INPP4B: variants seen among roughly 807,000 people sequenced by gnomAD.
INPP4B encodes inositol polyphosphate 4-phosphatase type II.
In INPP4B, 55 loss-of-function variants were observed where a neutral mutation model predicts 122.5. The ratio of observed to expected loss-of-function variants is 0.45; its 90% CI spans 0.36 to 0.56. INPP4B has a LOEUF of 0.56. Among genes scored for constraint, INPP4B ranks in the 20% least tolerant of loss-of-function variants. The probability of loss-of-function intolerance (pLI) is 0.00; values close to 1 mark genes in which losing one functional copy is unlikely to be tolerated. For missense variants in INPP4B, 1,000 were observed against 1,097.7 expected (o/e 0.91, Z 1.26); for synonymous variants, 403 against 388.7 (o/e 1.04, Z -0.43).
At chr4:142,056,915 C>A (rs1201093975) in intron 25 of INPP4B, among the ~76,000 whole-genome samples, 1 of 152,108 alleles carries the variant, frequency 6.6e-6, no homozygotes, top group East Asian at 1.9e-4. Flanking sequence ...CTGCATTTTA[C>A]AACTCAAATA....
Position 142,626,006 on chromosome 4 carries a change from G to A in INPP4B, c.-191+99833C>T, listed in dbSNP as rs920017254. On this transcript the variant is annotated intron_variant, in intron 2 of 25. Coordinates refer to ENST00000262992, the MANE Select transcript of INPP4B (RefSeq NM_001101669.3). ...TTCAGGATGGATTAAAGACTTAAAC[G>A]TTAGACCTAAAACCATAAAAACCCT... Among the ~76,000 whole-genome samples the A allele has an allele frequency of 4.6e-5, 7 of 152,178 alleles. No homozygotes were observed. In the East Asian group the frequency reaches 1.4e-3, roughly 29 times the overall value.
At chr4:142,036,950 C>A (rs1001641751) in intron 25 of INPP4B, among the ~76,000 whole-genome samples, 1 of 152,170 alleles carries the variant, frequency 6.6e-6, no homozygotes, top group African/African-American at 2.4e-5. Context: ...CCTGCAAGTG[C>A]AAAATGCAAG....
intron 15 of INPP4B, among the ~76,000 whole-genome samples, chr4:142,181,990 T>C (rs3822146): frequency 0.046 from 7,016 of 152,264 alleles, 376 homozygotes; most frequent in East Asian, 0.16. Context: ...CTACATTTTA[T>C]TTCTCTCTGG....
At chr4:142,731,769 T>G (rs1365546985) in intron 1 of INPP4B, among the ~76,000 whole-genome samples, 2 of 132,266 alleles carry the variant, frequency 1.5e-5, no homozygotes, top group Non-Finnish European at 3.4e-5. Flanking sequence ...CTTGAGATTT[T>G]CAGGGGAAAA....
At chr4:142,149,826 A>G (rs1812835375) in intron 17 of INPP4B, among the ~76,000 whole-genome samples, 1 of 152,220 alleles carries the variant, frequency 6.6e-6, no homozygotes, top group African/African-American at 2.4e-5. Context: ...AGTGACCTGC[A>G]TTAATAAAGG....
In INPP4B at chr4:142,359,992, C is replaced by T. The variant is rs73850863; in HGVS notation, c.372+42946G>A. 7.3e-4 allele frequency among the ~76,000 whole-genome samples: 111 copies of T among 151,950 alleles called. 1 individual carries two copies. The highest frequency in any genetic ancestry group is 2.6e-3 in the African/African-American group (109 of 41,490). ...ATGATATTGATTGTAGAAAGAACTT[C>T]AAAGCTTTAAAAATTATACTAGAAT... is the stretch of plus-strand genomic sequence containing the variant. On this transcript the variant is annotated intron_variant, in intron 7 of 25. Coordinates refer to ENST00000262992, the MANE Select transcript of INPP4B (RefSeq NM_001101669.3).
intron 2 of INPP4B, among the ~76,000 whole-genome samples, chr4:142,542,011 C>T (rs147058063): frequency 2.8e-4 from 42 of 152,218 alleles, no homozygotes; most frequent in African/African-American, 8.2e-4. Flanking sequence ...GAACAGTTTC[C>T]CCAAGAACCC....
chr4:142,335,108 G>GAAAAAAAAA (rs36074851), intron 7 of INPP4B, among the ~76,000 whole-genome samples: 153 of 64,990 alleles, frequency 2.4e-3, no homozygotes, highest in African/African-American at 4.1e-3. Context: ...TGGGAAAAAT[G>GAAAAAAAAA]AAAAAAAAAA....
intron 25 of INPP4B, among the ~76,000 whole-genome samples, chr4:142,060,507 A>G (rs571164716): frequency 4.0e-4 from 61 of 152,324 alleles, no homozygotes; most frequent in Non-Finnish European, 7.8e-4. Flanking sequence ...ATCCAGGAAT[A>G]AAGAAATGAA....
At chr4:142,800,912 A>G (rs1483280246) in intron 1 of INPP4B, among the ~76,000 whole-genome samples, 5 of 152,296 alleles carry the variant, frequency 3.3e-5, no homozygotes, top group African/African-American at 1.2e-4. Context: ...AGTAACAAAC[A>G]AAGGGACTGT....
chr4:142,598,351 G>A (rs1229018334), intron 2 of INPP4B, among the ~76,000 whole-genome samples: 3 of 152,128 alleles, frequency 2.0e-5, no homozygotes, highest in Admixed American at 6.5e-5. Context: ...TACCAGACAG[G>A]GAACTCACAC....
intron 18 of INPP4B, among the ~76,000 whole-genome samples, chr4:142,125,906 A>G (rs561594437): frequency 1.3e-5 from 2 of 152,182 alleles, no homozygotes; most frequent in East Asian, 3.9e-4. Context: ...TACAATAAAT[A>G]TAAAAAGTTT....
intron 2 of INPP4B, among the ~76,000 whole-genome samples, chr4:142,704,260 G>A (rs1048945966): frequency 4.6e-5 from 7 of 152,122 alleles, no homozygotes; most frequent in Non-Finnish European, 7.4e-5. Context: ...GATAAATAAC[G>A]TATTGGAAAC....
At chr4:142,679,038 A>AT (rs1253111360) in intron 2 of INPP4B, among the ~76,000 whole-genome samples, 1 of 151,886 alleles carries the variant, frequency 6.6e-6, no homozygotes, top group African/African-American at 2.4e-5. Flanking sequence ...ATAAAAACAG[A>AT]TTCCCTTTCA....
At chr4:142,096,101 T>C (rs1019207158) in intron 23 of INPP4B, 7 of 152,204 alleles carry the variant, frequency 4.6e-5, no homozygotes, top group African/African-American at 9.6e-5. Flanking sequence ...GAGCTTTCAA[T>C]TGAATTTATG....
chr4:142,680,577 G>A (rs1758477014), intron 2 of INPP4B, among the ~76,000 whole-genome samples: 1 of 151,838 alleles, frequency 6.6e-6, no homozygotes, highest in South Asian at 2.1e-4. Flanking sequence ...TTTTCAGCAA[G>A]TACATAATTT....
chr4:142,068,191 A>G (rs574211976), intron 25 of INPP4B, among the ~76,000 whole-genome samples: 30 of 152,336 alleles, frequency 2.0e-4, no homozygotes, highest in African/African-American at 6.5e-4. Context: ...AATCTTAAAG[A>G]AAAGAATTTT....
intron 14 of INPP4B, among the ~76,000 whole-genome samples, chr4:142,206,486 C>A (rs1842642531): frequency 4.0e-5 from 6 of 151,306 alleles, no homozygotes; most frequent in Non-Finnish European, 7.4e-5. Context: ...CACATTTAAA[C>A]TTGCAAATCA....
chr4:142,701,793 T>A (rs1761809978), intron 2 of INPP4B, among the ~76,000 whole-genome samples: 2 of 152,222 alleles, frequency 1.3e-5, no homozygotes, highest in African/African-American at 4.8e-5. Context: ...CTTCTAGACA[T>A]CTATCAAATA....
Sources: gnomAD v4.1 joint callset for allele counts (sites outside exome capture counted in the v4.1 genomes callset) on GRCh38, gnomAD v4.1.1 for gene constraint, MANE v1.5 for transcripts, NCBI Gene and HGNC (gene_info 2026-07-23, HGNC 2026-07-21) for gene names.